LTF: variants seen among roughly 807,000 people sequenced by gnomAD.
The protein encoded by LTF is lactotransferrin.
In LTF, 91 loss-of-function variants were observed where a neutral mutation model predicts 87.2. That is an observed-to-expected ratio of 1.04 (90% CI 0.88 to 1.24). LTF has a LOEUF of 1.24. LTF is among the 50% of genes most tolerant of loss of function. The probability of loss-of-function intolerance (pLI) is 0.00; values close to 1 mark genes in which losing one functional copy is unlikely to be tolerated. For synonymous variants in LTF, 378 were observed against 356.1 expected (o/e 1.06, Z -0.69); for missense variants, 901 against 904.3 (o/e 1.00, Z 0.05).
rs750065091 is a variant in LTF at position 46,449,833 on chromosome 3, G to C, written c.1057+21C>G. On this transcript the variant is annotated intron_variant, in intron 8 of 16. Coordinates refer to ENST00000231751, the MANE Select transcript of LTF (RefSeq NM_002343.6). ...GAAGACCACACCAGGCGGACCTCAG[G>C]ACCCTCCTGGGCTCACTCACTTTTC... is the stretch of plus-strand genomic sequence containing the variant. 9.9e-6 allele frequency: 16 copies of C among 1,613,670 alleles called. No homozygotes were observed. In the South Asian group the frequency reaches 1.6e-4, roughly 17 times the overall value.
At chr3:46,470,648 T>C (rs1703270942) in intron 1 of LTF, among the ~76,000 whole-genome samples, 1 of 152,194 alleles carries the variant, frequency 6.6e-6, no homozygotes, top group Non-Finnish European at 1.5e-5. Context: ...GCTCTGGTAG[T>C]GGACTTCCTC....
chr3:46,448,283 C>G (rs1702705748), intron 9 of LTF, among the ~76,000 whole-genome samples: 1 of 151,970 alleles, frequency 6.6e-6, no homozygotes, highest in Admixed American at 6.6e-5. Context: ...GGGAGGATCA[C>G]TTGAGCCCAA....
At chr3:46,440,318 A>C (rs1165198509) in intron 14 of LTF, among the ~76,000 whole-genome samples, 4 of 152,376 alleles carry the variant, frequency 2.6e-5, no homozygotes, top group Admixed American at 2.6e-4. Context: ...TTTCATATTC[A>C]AATGCTATTA....
chr3:46,475,378 C>T (rs1017491997), intron 1 of LTF, among the ~76,000 whole-genome samples: 5 of 152,072 alleles, frequency 3.3e-5, no homozygotes, highest in African/African-American at 4.8e-5. Flanking sequence ...CTTCCAAAAC[C>T]GAAAAGAGGA....
Position 46,453,397 on chromosome 3 carries a change from T to C in LTF, c.703+908A>G, listed in dbSNP as rs375851275. ...CAGACAGCAGCTTGGTGATCCTGGG[T>C]GCATGTGGGGTCTGTCTCTGGTGGC... On this transcript the variant is annotated intron_variant, in intron 6 of 16. Coordinates refer to ENST00000231751, the MANE Select transcript of LTF (RefSeq NM_002343.6). 4.6e-5 allele frequency among the ~76,000 whole-genome samples: 7 copies of C among 152,228 alleles called. No individual in the cohort carries two copies. In the East Asian group the frequency reaches 1.2e-3, roughly 25 times the overall value.
chr3:46,444,612 G>A (rs1702599682), intron 12 of LTF, among the ~76,000 whole-genome samples: 1 of 152,216 alleles, frequency 6.6e-6, no homozygotes, highest in Admixed American at 6.5e-5. Context: ...CTGGTGAGGA[G>A]CAGAGCCACG....
rs917642331 is a variant in LTF, at chr3:46,454,233, G to T, written c.703+72C>A. The T allele has an allele frequency of 3.8e-6, 5 of 1,327,542 alleles. No homozygotes were observed. In the African/African-American group the frequency reaches 4.7e-5, roughly 12 times the overall value. 82.2% of individuals were successfully genotyped at this position (1,327,542 alleles called of 1,614,324 possible). On this transcript the variant is annotated intron_variant, in intron 6 of 16. Coordinates refer to ENST00000231751, the MANE Select transcript of LTF (RefSeq NM_002343.6). ...TGCCATGAACTTAGGAATCTAATTA[G>T]CTCAAAGGTCAGAGTCATGATCAAG...
chr3:46,482,649 A>AAAGAAAGAAAGAAAGC (rs1703457888), intron 1 of LTF, among the ~76,000 whole-genome samples: 1 of 105,068 alleles, frequency 9.5e-6, no homozygotes, highest in Non-Finnish European at 2.0e-5. Flanking sequence ...AGAAAGAAAG[A>AAAGAAAGAAAGAAAGC]AAGAAAGAAA....
chr3:46,463,396 T>A (rs186208012), intron 1 of LTF: 541 of 920,440 alleles, frequency 5.9e-4, no homozygotes, highest in Non-Finnish European at 6.7e-4. Flanking sequence ...GCAGACAGAC[T>A]CCTCCACCCA....
chr3:46,455,979 C>A lies in LTF; in HGVS notation c.317-1G>T. On this transcript the variant is annotated splice_acceptor_variant, in intron 3 of 16. Coordinates refer to ENST00000231751, the MANE Select transcript of LTF (RefSeq NM_002343.6). LOFTEE classifies it high-confidence loss of function. ...ACGGCATAATAGTGAGTTCGTGGCTCTGCAAAGGGGCAGACAGAATTGAAA... is the reference window on the plus strand; with the variant it reads ...ACGGCATAATAGTGAGTTCGTGGCTATGCAAAGGGGCAGACAGAATTGAAA... 2 of 1,572,894 alleles carry A rather than the reference C, an allele frequency of 1.3e-6. No homozygotes were observed. Among genetic ancestry groups the A allele is most frequent in the Non-Finnish European group, 1.7e-6 (2 of 1,160,946 alleles).
Position 46,460,417 on chromosome 3 carries a change from C to T in LTF, c.44-598G>A, listed in dbSNP as rs80281149. ...GGGGACAAATCAGTTGGTTGGTGTG[C>T]CTGAGCTACCACCATTCACTCTGCA... On this transcript the variant is annotated intron_variant, in intron 1 of 16. Transcript: ENST00000231751. The T allele has an allele frequency of 1.5e-3, 538 of 348,462 alleles. 3 individuals carry two copies. Among genetic ancestry groups the T allele is most frequent in the African/African-American group, 0.011 (500 of 46,946 alleles). 21.6% of individuals were successfully genotyped at this position (348,462 alleles called of 1,614,324 possible).
At chr3:46,479,144 C>T (rs1168067145) in intron 1 of LTF, among the ~76,000 whole-genome samples, 1 of 152,250 alleles carries the variant, frequency 6.6e-6, no homozygotes, top group Non-Finnish European at 1.5e-5. Flanking sequence ...TGGAGAACCA[C>T]GCCTGTGCCC....
chr3:46,435,649 A>G lies in LTF; in HGVS notation c.*546T>C, dbSNP rs1404128366. On this transcript the variant is annotated 3_prime_UTR_variant, in exon 17 of 17. Transcript: ENST00000231751. ...GTAGCTTTGGAATAAAAGTCACTTT[A>G]TACCAAACCTAGCTCTTGTTAATTA... The G allele has an allele frequency of 1.3e-5, 2 of 154,364 alleles. No individual in the cohort carries two copies. Among genetic ancestry groups the G allele is most frequent in the East Asian group, 3.8e-4 (2 of 5,212 alleles). The allele number at this position is 154,364 out of a possible 1,614,324, so 9.6% of individuals were successfully genotyped here. A position where few individuals can be genotyped will look rare whatever the true frequency, so the allele number is the denominator to read the frequency against.
rs1559612504 is a variant in LTF, at chr3:46,475,561, CACACA to C, written c.-319-5100_-319-5096del. Reference sequence around the variant, plus strand: ...ACACACACACACACACACACACACACACACACCCTCTCTTCATCTACTCTCCAACT... The same window carrying C: ...ACACACACACACACACACACACACACCCCTCTCTTCATCTACTCTCCAACT... On this transcript the variant is annotated intron_variant, in intron 1 of 19. Coordinates refer to the LTF transcript ENST00000443496. Among the ~76,000 whole-genome samples, 22 of 148,598 alleles carry C rather than the reference CACACA, an allele frequency of 1.5e-4. No individual in the cohort carries two copies. The South Asian group carries it at 2.3e-3, about 16-fold the overall frequency.
intron 8 of LTF, 21 bp downstream of exon 8, chr3:46,449,833 G>A (rs750065091): frequency 6.2e-7 from 1 of 1,613,670 alleles, no homozygotes; most frequent in Non-Finnish European, 8.5e-7. Flanking sequence ...CGGACCTCAG[G>A]ACCCTCCTGG....
At chr3:46,439,746 C>T (rs369642127) in intron 14 of LTF, among the ~76,000 whole-genome samples, 1 of 152,206 alleles carries the variant, frequency 6.6e-6, no homozygotes, top group Non-Finnish European at 1.5e-5. Context: ...GCATGAACCT[C>T]GAAAACGATG....
rs1575315358 is a variant in LTF, at chr3:46,452,198, A to G, written c.704-1525T>C. 4.6e-5 allele frequency among the ~76,000 whole-genome samples: 7 copies of G among 152,352 alleles called. 1 individual carries two copies. In the South Asian group the frequency reaches 1.2e-3, roughly 27 times the overall value. On this transcript the variant is annotated intron_variant, in intron 6 of 16. Coordinates refer to ENST00000231751, the MANE Select transcript of LTF (RefSeq NM_002343.6). ...CAAGTTATAAGAGCAACCTACAAAAATCAGATGTTATCCTCATTAACAATA... is the reference window on the plus strand; with the variant it reads ...CAAGTTATAAGAGCAACCTACAAAAGTCAGATGTTATCCTCATTAACAATA...
chr3:46,478,100 T>G (rs368125040), intron 1 of LTF, among the ~76,000 whole-genome samples: 2 of 152,204 alleles, frequency 1.3e-5, no homozygotes, highest in Admixed American at 6.5e-5. Context: ...TCCTGTTATC[T>G]GCAACCCTTT....
intron 6 of LTF, 137 bp downstream of exon 6, chr3:46,454,168 A>G: frequency 1.3e-6 from 1 of 778,304 alleles, no homozygotes; most frequent in Non-Finnish European, 2.2e-6. Context: ...GAAAGATCAT[A>G]AAATCAGAGC....
Sources: gnomAD v4.1 joint callset for allele counts (sites outside exome capture counted in the v4.1 genomes callset) on GRCh38, gnomAD v4.1.1 for gene constraint, MANE v1.5 for transcripts, NCBI Gene and HGNC (gene_info 2026-07-23, HGNC 2026-07-21) for gene names.